The following PRKG1 variants were observed in gnomAD, a reference collection of about 807,000 sequenced individuals.
PRKG1 encodes the protein cGMP-dependent protein kinase 1.
In PRKG1, 35 loss-of-function variants were observed where a neutral mutation model predicts 88.1. The ratio of observed to expected loss-of-function variants is 0.40; its 90% CI spans 0.30 to 0.53. The LOEUF (loss-of-function observed/expected upper bound fraction) is 0.53. Among genes scored for constraint, PRKG1 ranks in the 20% least tolerant of loss-of-function variants. The pLI is 0.59. For synonymous variants in PRKG1, 303 were observed against 292.5 expected (o/e 1.04, Z -0.37); for missense variants, 540 against 839.8 (o/e 0.64, Z 4.41).
chr10:51,841,936 G>A (rs575220823), intron 4 of PRKG1, among the ~76,000 whole-genome samples: 1 of 152,324 alleles, frequency 6.6e-6, no homozygotes, highest in East Asian at 1.9e-4. Flanking sequence ...GCCCGCCTCA[G>A]CCTCCCAAAG....
chr10:51,544,127 A>G (rs776968286), intron 3 of PRKG1, among the ~76,000 whole-genome samples: 5 of 152,042 alleles, frequency 3.3e-5, no homozygotes, highest in Non-Finnish European at 7.4e-5. Flanking sequence ...ATATGTATAC[A>G]TGTGCCATGT....
intron 2 of PRKG1, among the ~76,000 whole-genome samples, chr10:51,285,599 G>A (rs1840419649): frequency 6.6e-6 from 1 of 152,154 alleles, no homozygotes; most frequent in South Asian, 2.1e-4. Flanking sequence ...ACTTGATTCT[G>A]TCCTGCAATG....
intron 7 of PRKG1, among the ~76,000 whole-genome samples, chr10:52,101,358 T>G (rs1847289352): frequency 8.2e-6 from 1 of 122,316 alleles, no homozygotes; most frequent in Non-Finnish European, 2.0e-5. Flanking sequence ...AACCACATTA[T>G]ATATTTTTTG....
intron 3 of PRKG1, chr10:51,698,388 G>C: frequency 6.2e-7 from 1 of 1,613,994 alleles, no homozygotes; most frequent in Non-Finnish European, 8.5e-7. Context: ...AGCAGTCTGG[G>C]ATCTCCTAAT....
At chr10:51,674,008 C>T (rs1271036132) in intron 3 of PRKG1, among the ~76,000 whole-genome samples, 6 of 152,060 alleles carry the variant, frequency 3.9e-5, no homozygotes, top group Non-Finnish European at 8.8e-5. Flanking sequence ...ATGTAGTACC[C>T]TAAGTATTGA....
rs140183832 is a variant in PRKG1 at position 52,134,567 on chromosome 10, A to G, written c.1001+662A>G. 4.0e-3 allele frequency among the ~76,000 whole-genome samples: 609 copies of G among 152,330 alleles called. 3 individuals carry two copies. Among genetic ancestry groups the G allele is most frequent in the African/African-American group, 0.012 (495 of 41,586 alleles). On this transcript the variant is annotated intron_variant, in intron 8 of 17. Transcript: ENST00000373980. ...CTCCAAGAGCATGGTTAAAATGCAT[A>G]TGTACTTTCTGGAAGCAGTGGAACA... is the stretch of plus-strand genomic sequence containing the variant.
At chr10:51,577,678 A>G (rs1282675414) in intron 3 of PRKG1, among the ~76,000 whole-genome samples, 1 of 152,060 alleles carries the variant, frequency 6.6e-6, no homozygotes, top group East Asian at 1.9e-4. Context: ...TTACCAAGTT[A>G]CACCATCCTA....
At chr10:51,327,267 G>T (rs567829635) in intron 2 of PRKG1, among the ~76,000 whole-genome samples, 1 of 151,706 alleles carries the variant, frequency 6.6e-6, no homozygotes, top group African/African-American at 2.4e-5. Flanking sequence ...ATACGAAAAA[G>T]TTAGCCAGTC....
At chr10:51,926,805 T>C (rs1842589215) in intron 5 of PRKG1, among the ~76,000 whole-genome samples, 1 of 151,616 alleles carries the variant, frequency 6.6e-6, no homozygotes, top group Non-Finnish European at 1.5e-5. Flanking sequence ...CAAGTAGCTC[T>C]AGAAGTTTTG....
intron 2 of PRKG1, among the ~76,000 whole-genome samples, chr10:51,370,813 G>C (rs1356177114): frequency 6.6e-6 from 1 of 151,568 alleles, no homozygotes; most frequent in Non-Finnish European, 1.5e-5. Context: ...TTAAGTCTTA[G>C]AAATCCTATG....
intron 1 of PRKG1, among the ~76,000 whole-genome samples, chr10:51,045,866 A>T (rs1564580360): frequency 6.6e-6 from 1 of 152,218 alleles, no homozygotes; most frequent in Non-Finnish European, 1.5e-5. Context: ...TATAACTTAA[A>T]TACATAATTT....
At chr10:51,512,694 C>A (rs368368783) in intron 3 of PRKG1, among the ~76,000 whole-genome samples, 4 of 63,626 alleles carry the variant, frequency 6.3e-5, no homozygotes, top group African/African-American at 2.6e-4. Flanking sequence ...ATTTATAGTC[C>A]TTTGGGTATA....
chr10:51,228,169 G>A (rs1243185148), intron 2 of PRKG1, among the ~76,000 whole-genome samples: 6 of 152,234 alleles, frequency 3.9e-5, no homozygotes, highest in Admixed American at 6.5e-5. Context: ...TTTATGTCTC[G>A]ATTATTCTTT....
intron 5 of PRKG1, among the ~76,000 whole-genome samples, chr10:51,930,112 G>T (rs1842657963): frequency 6.6e-6 from 1 of 152,062 alleles, no homozygotes; most frequent in Admixed American, 6.5e-5. Context: ...AAACCTTGAG[G>T]ACATTTATGC....
chr10:51,290,959 T>C (rs749996529), intron 2 of PRKG1, among the ~76,000 whole-genome samples: 2 of 152,216 alleles, frequency 1.3e-5, no homozygotes, highest in African/African-American at 2.4e-5. Flanking sequence ...CAATATATAC[T>C]ATAAGCTATA....
intron 3 of PRKG1, among the ~76,000 whole-genome samples, chr10:51,651,585 T>C (rs1831986099): frequency 3.0e-5 from 1 of 32,798 alleles, no homozygotes; most frequent in Admixed American, 3.4e-4. Flanking sequence ...CAGATCTTAC[T>C]TTTTTTTTTT....
chr10:52,290,357 T>A, intron 17 of PRKG1, 67 bp downstream of exon 17: 6 of 1,330,426 alleles, frequency 4.5e-6, no homozygotes, highest in Non-Finnish European at 6.3e-6. Context: ...TCAACAATGA[T>A]CTGTTATTTT....
intron 4 of PRKG1, among the ~76,000 whole-genome samples, chr10:51,822,793 C>G (rs1839782646): frequency 6.6e-6 from 1 of 152,056 alleles, no homozygotes; most frequent in East Asian, 1.9e-4. Context: ...GGCAGTGCAC[C>G]CTGCCCAGGG....
intron 9 of PRKG1, among the ~76,000 whole-genome samples, chr10:52,169,819 T>C (rs559790509): frequency 6.6e-6 from 1 of 152,184 alleles, no homozygotes; most frequent in Non-Finnish European, 1.5e-5. Context: ...TGGAAGATTA[T>C]GGATCTTCAG....
Sources: gnomAD v4.1 joint callset for allele counts (sites outside exome capture counted in the v4.1 genomes callset) on GRCh38, gnomAD v4.1.1 for gene constraint, MANE v1.5 for transcripts, NCBI Gene and HGNC (gene_info 2026-07-23, HGNC 2026-07-21) for gene names.